PLCB1: variants seen among roughly 807,000 people sequenced by gnomAD.
PLCB1 encodes phospholipase C beta 1.
In PLCB1, 46 loss-of-function variants were observed where a neutral mutation model predicts 161.8. The ratio of observed to expected loss-of-function variants is 0.28; its 90% CI spans 0.22 to 0.36. PLCB1 has a LOEUF of 0.36. Ranked by LOEUF, PLCB1 falls within the 10% of genes least tolerant of loss-of-function variation. PLCB1 has a pLI of 1.00. For missense variants in PLCB1, 1,016 were observed against 1,472.5 expected (o/e 0.69, Z 5.07); for synonymous variants, 517 against 503.7 (o/e 1.03, Z -0.35).
At chr20:8,844,185 A>G (rs1021744958) in intron 31 of PLCB1, among the ~76,000 whole-genome samples, 1 of 152,236 alleles carries the variant, frequency 6.6e-6, no homozygotes, top group Non-Finnish European at 1.5e-5. Context: ...GAATGTAGGA[A>G]AGGAGAAAAC....
chr20:8,658,592 C>T lies in PLCB1; in HGVS notation c.750C>T (p.Asn250=). 1 of 1,612,996 alleles carries T rather than the reference C, an allele frequency of 6.2e-7. No individual in the cohort carries two copies. Among genetic ancestry groups the T allele is most frequent in the Non-Finnish European group, 8.5e-7 (1 of 1,179,350 alleles). The change falls in exon 9 of 32, where the codon AAC becomes AAT. Residue 250 remains asparagine (N), a synonymous_variant. Transcript: ENST00000338037. ...TTGATCAGATGATGGATTTTATCAACCTTAAGCAGCGAGATCCTCGGCTTA... is the reference window on the plus strand; with the variant it reads ...TTGATCAGATGATGGATTTTATCAATCTTAAGCAGCGAGATCCTCGGCTTA... The part of the protein sequence containing the change: ...LTVDQMMDFI[N]LKQRDPRLNE...
intron 2 of PLCB1, among the ~76,000 whole-genome samples, chr20:8,252,684 G>C (rs1298961409): frequency 6.6e-6 from 1 of 151,672 alleles, no homozygotes; most frequent in East Asian, 2.0e-4. Context: ...ATTCTCACTT[G>C]CTTTCCCCAT....
chr20:8,457,757 A>G, intron 3 of PLCB1, among the ~76,000 whole-genome samples: 1 of 143,786 alleles, frequency 7.0e-6, no homozygotes, highest in East Asian at 2.4e-4. Context: ...CGTACACACC[A>G]TCTTGCCTTC....
intron 3 of PLCB1, among the ~76,000 whole-genome samples, chr20:8,556,449 G>T (rs1177019822): frequency 6.6e-6 from 1 of 152,038 alleles, no homozygotes; most frequent in African/African-American, 2.4e-5. Context: ...GCTGGAGAAT[G>T]AGTTACTTTA....
At chr20:8,869,881 G>A (rs1197665146) in intron 31 of PLCB1, among the ~76,000 whole-genome samples, 1 of 152,168 alleles carries the variant, frequency 6.6e-6, no homozygotes, top group Admixed American at 6.5e-5. Flanking sequence ...TGGGGTATGG[G>A]ACTGGGATGA....
chr20:8,724,774 A>AC, intron 16 of PLCB1, 22 bp downstream of exon 16: 1 of 1,275,042 alleles, frequency 7.8e-7, no homozygotes, highest in Non-Finnish European at 1.1e-6. Context: ...CTGGAGAAAA[A>AC]CCCCTCTTGC....
chr20:8,732,776 GAATAATATA>G (rs1166428239), intron 18 of PLCB1, among the ~76,000 whole-genome samples: 6 of 124,690 alleles, frequency 4.8e-5, no homozygotes, highest in Non-Finnish European at 8.7e-5. Context: ...AGATATATTA[GAATAATATA>G]AATAATATAT....
intron 2 of PLCB1, among the ~76,000 whole-genome samples, chr20:8,341,260 CTTCA>C (rs776966054): frequency 1.2e-4 from 19 of 152,142 alleles, no homozygotes; most frequent in Admixed American, 2.6e-4. Flanking sequence ...CTTAGAAAGT[CTTCA>C]TTAACTTCTC....
chr20:8,765,931 G>A (rs1225955548), intron 26 of PLCB1, among the ~76,000 whole-genome samples: 6 of 152,010 alleles, frequency 3.9e-5, no homozygotes, highest in African/African-American at 1.2e-4. Flanking sequence ...TGCCTGCCTC[G>A]GCCTCCCAAA....
At chr20:8,578,548 A>G (rs577726952) in intron 3 of PLCB1, among the ~76,000 whole-genome samples, 2 of 152,366 alleles carry the variant, frequency 1.3e-5, no homozygotes, top group South Asian at 2.1e-4. Context: ...CATATTAAAG[A>G]TGAAAAGCTC....
intron 3 of PLCB1, among the ~76,000 whole-genome samples, chr20:8,482,464 C>T (rs1459188150): frequency 6.6e-6 from 1 of 152,010 alleles, no homozygotes; most frequent in South Asian, 2.1e-4. Context: ...TTTTGTACAG[C>T]TTCACAAATT....
chr20:8,494,957 A>G lies in PLCB1; in HGVS notation c.246+123507A>G, dbSNP rs1389194582. ...CTAAACATCATGTCCTTAATACTGAATATATGTTCTTTTCCCCTTTTCCCC... is the reference window on the plus strand; with the variant it reads ...CTAAACATCATGTCCTTAATACTGAGTATATGTTCTTTTCCCCTTTTCCCC... On this transcript the variant is annotated intron_variant, in intron 3 of 31. Coordinates refer to ENST00000338037, the MANE Select transcript of PLCB1 (RefSeq NM_015192.4). 3.9e-5 allele frequency among the ~76,000 whole-genome samples: 6 copies of G among 152,098 alleles called. No homozygotes were observed. In the East Asian group the frequency reaches 9.6e-4, roughly 24 times the overall value.
At chr20:8,403,609 T>C (rs1978658441) in intron 3 of PLCB1, among the ~76,000 whole-genome samples, 1 of 151,890 alleles carries the variant, frequency 6.6e-6, no homozygotes, top group African/African-American at 2.4e-5. Context: ...CAAGATAGCA[T>C]GTGAGCAGGG....
chr20:8,788,472 C>A lies in PLCB1; in HGVS notation c.3135C>A (p.Val1045=), dbSNP rs577076166. Reference sequence around the variant, plus strand: ...AGCTTATTCAAAAGTTGACGGATGTCGCAGAAGAGTGTCAGAACAATCAGT... The same window carrying A: ...AGCTTATTCAAAAGTTGACGGATGTAGCAGAAGAGTGTCAGAACAATCAGT... ...IKLLIQKLTD[V]AEECQNNQLK... Residue 1045 remains valine, a synonymous_variant, in exon 28 of 32, where the codon GTC becomes GTA. Transcript: ENST00000338037. 71 of 1,613,564 alleles carry A rather than the reference C, an allele frequency of 4.4e-5. No homozygotes were observed. The East Asian group carries it at 1.4e-3, about 32-fold the overall frequency.
intron 3 of PLCB1, among the ~76,000 whole-genome samples, chr20:8,539,902 G>A (rs1339110093): frequency 6.6e-6 from 1 of 152,028 alleles, no homozygotes; most frequent in Non-Finnish European, 1.5e-5. Context: ...TTAGGTGACT[G>A]GGATTTAAGC....
chr20:8,254,768 A>G (rs1429820386), intron 2 of PLCB1, among the ~76,000 whole-genome samples: 1 of 151,968 alleles, frequency 6.6e-6, no homozygotes, highest in Non-Finnish European at 1.5e-5. Context: ...CACATTCAAA[A>G]CTAACTAGAT....
At chr20:8,754,135 A>G (rs936675507) in intron 23 of PLCB1, among the ~76,000 whole-genome samples, 5 of 152,202 alleles carry the variant, frequency 3.3e-5, no homozygotes, top group African/African-American at 9.6e-5. Flanking sequence ...CTTAACATCT[A>G]TCTGCTTTTT....
At chr20:8,391,112 G>A (rs775381909) in intron 3 of PLCB1, among the ~76,000 whole-genome samples, 6 of 151,116 alleles carry the variant, frequency 4.0e-5, no homozygotes, top group Admixed American at 1.3e-4. Context: ...ATTTACCATA[G>A]AATTCCATGC....
intron 2 of PLCB1, among the ~76,000 whole-genome samples, chr20:8,200,829 G>C (rs892459689): frequency 6.6e-6 from 1 of 152,068 alleles, no homozygotes; most frequent in South Asian, 2.1e-4. Flanking sequence ...TACAGGGAAG[G>C]CTTCTTGTGT....
Sources: allele counts gnomAD v4.1 joint callset (sites outside exome capture counted in the v4.1 genomes callset), GRCh38; gene constraint gnomAD v4.1.1; transcripts MANE v1.5; gene names NCBI Gene and HGNC (gene_info 2026-07-23, HGNC 2026-07-21).